Variants in ACTR3C observed in about 807,000 individuals in gnomAD.
ACTR3C encodes the protein actin-related protein 3C.
ACTR3C carries 18 observed loss-of-function variants against 26.3 expected under a neutral mutation model. The ratio of observed to expected loss-of-function variants is 0.68; its 90% confidence interval spans 0.47 to 1.01. ACTR3C has a LOEUF of 1.01. Among genes scored for constraint, ACTR3C ranks in the 50% least tolerant of loss-of-function variants. The pLI is 0.00. For missense variants in ACTR3C, 184 were observed against 250.7 expected, an observed-to-expected ratio of 0.73 and a Z score of 1.80; for synonymous variants, 55 against 94.5, an observed-to-expected ratio of 0.58 and a Z score of 2.42.
the ACTR3C span, among the ~76,000 whole-genome samples, chr7:150,046,732 T>A: frequency 2.1e-5 from 3 of 144,934 alleles, no homozygotes; most frequent in South Asian, 7.1e-4. Flanking sequence ...GCCCTCTGCA[T>A]CCTTGAAAGG....
the ACTR3C span, among the ~76,000 whole-genome samples, chr7:150,196,002 C>A: frequency 1.6e-3 from 251 of 152,302 alleles, 2 homozygotes; most frequent in African/African-American, 5.7e-3. Flanking sequence ...CCTGTGGGTG[C>A]CTTTGGGACC....
chr7:150,143,323 T>C, the ACTR3C span, among the ~76,000 whole-genome samples: 1 of 152,036 alleles, frequency 6.6e-6, no homozygotes, highest in Non-Finnish European at 1.5e-5. Flanking sequence ...CTTATGAAAA[T>C]GCACAATGCA....
chr7:150,322,441 C>T lies in ACTR3C; in HGVS notation c.-52+1028G>A, dbSNP rs141548514. On this transcript the variant is annotated intron_variant, in intron 1 of 7. Coordinates refer to ENST00000683684, the MANE Select transcript of ACTR3C (RefSeq NM_001164458.2). ...GGGACCTCTGGTGGTCCTCACTGCT[C>T]ATTATGCACTAATTATAATGCATTA... Among the ~76,000 whole-genome samples, 759 of 152,334 alleles carry T rather than the reference C, an allele frequency of 5.0e-3. 8 individuals carry two copies. Among genetic ancestry groups the T allele is most frequent in the African/African-American group, 0.017 (719 of 41,576 alleles).
At chr7:150,234,557 GCAACTCCA>G in the ACTR3C span, among the ~76,000 whole-genome samples, 1 of 152,082 alleles carries the variant, frequency 6.6e-6, no homozygotes, top group Non-Finnish European at 1.5e-5. Context: ...TCACTCTCAC[GCAACTCCA>G]CACTAGCGCT....
chr7:150,041,075 C>T, the ACTR3C span, among the ~76,000 whole-genome samples: 15 of 150,810 alleles, frequency 9.9e-5, 2 homozygotes, highest in Admixed American at 3.3e-4. Flanking sequence ...TCTTTTCTCT[C>T]TCTGACGCAT....
the ACTR3C span, among the ~76,000 whole-genome samples, chr7:150,032,367 G>A: frequency 6.6e-6 from 1 of 152,174 alleles, no homozygotes; most frequent in African/African-American, 2.4e-5. Context: ...GAACCACTTT[G>A]TCCTAATGGA....
the ACTR3C span, among the ~76,000 whole-genome samples, chr7:149,947,560 G>C: frequency 3.1e-5 from 3 of 98,188 alleles, no homozygotes; most frequent in Admixed American, 3.1e-4. Context: ...AGAAGGCAGG[G>C]CAGGGCTTGA....
the ACTR3C span, among the ~76,000 whole-genome samples, chr7:150,046,349 C>CCCG: frequency 2.8e-5 from 1 of 36,170 alleles, no homozygotes; most frequent in Non-Finnish European, 9.3e-5. Context: ...GTCTCACCGC[C>CCCG]CCCCCCCCCC....
the ACTR3C span, among the ~76,000 whole-genome samples, chr7:150,149,947 T>C: frequency 6.6e-6 from 1 of 152,214 alleles, no homozygotes; most frequent in East Asian, 1.9e-4. Flanking sequence ...AGCCCGATTT[T>C]CTAACAAGCC....
At chr7:150,191,916 T>G in the ACTR3C span, among the ~76,000 whole-genome samples, 1 of 152,242 alleles carries the variant, frequency 6.6e-6, no homozygotes, top group African/African-American at 2.4e-5. Context: ...CCTACCATAC[T>G]GAGAATTGTC....
At chr7:150,256,432 C>G (rs1285327031) in intron 6 of ACTR3C, among the ~76,000 whole-genome samples, 1 of 152,228 alleles carries the variant, frequency 6.6e-6, no homozygotes, top group Non-Finnish European at 1.5e-5. Flanking sequence ...TCGCCAATAT[C>G]TGTTGTTTTT....
chr7:150,144,511 T>TAATATTATTTTTTGTCC, the ACTR3C span, among the ~76,000 whole-genome samples: 1 of 151,860 alleles, frequency 6.6e-6, no homozygotes, highest in Non-Finnish European at 1.5e-5. The surrounding 1 kb of genome is among the most constrained non-coding windows in gnomAD (Gnocchi z 4.6). Context: ...AACAATTGAA[T>TAATATTATTTTTTGTCC]AATATTATTT....
chr7:149,974,795 A>ATGG, the ACTR3C span, among the ~76,000 whole-genome samples: 1 of 150,456 alleles, frequency 6.6e-6, no homozygotes, highest in African/African-American at 2.5e-5. Flanking sequence ...GTAAAATAAG[A>ATGG]TATTTTAGTT....
the ACTR3C span, among the ~76,000 whole-genome samples, chr7:150,152,304 G>A: frequency 1.3e-5 from 2 of 151,930 alleles, no homozygotes; most frequent in South Asian, 2.1e-4. Context: ...ATTATTTTGA[G>A]ATACGTCCCA....
At chr7:150,066,605 A>C in the ACTR3C span, among the ~76,000 whole-genome samples, 1 of 152,232 alleles carries the variant, frequency 6.6e-6, no homozygotes, top group African/African-American at 2.4e-5. Context: ...TTAATAAGCC[A>C]TAAACTGATA....
chr7:150,108,487 T>C, the ACTR3C span, among the ~76,000 whole-genome samples: 3 of 151,408 alleles, frequency 2.0e-5, no homozygotes, highest in Non-Finnish European at 4.4e-5. Flanking sequence ...GCCTTATAGA[T>C]TTGGGAGGTA....
At chr7:150,199,543 A>G in the ACTR3C span, among the ~76,000 whole-genome samples, 5 of 120,780 alleles carry the variant, frequency 4.1e-5, no homozygotes, top group Non-Finnish European at 6.8e-5. Flanking sequence ...CCTTCCCTCC[A>G]CTATTGTCCC....
the ACTR3C span, among the ~76,000 whole-genome samples, chr7:150,142,813 G>A: frequency 6.7e-6 from 1 of 150,228 alleles, no homozygotes; most frequent in Non-Finnish European, 1.5e-5. Flanking sequence ...ACAGGTGTGA[G>A]CCACTACGCC....
Position 150,323,499 on chromosome 7 carries a change from G to A in ACTR3C, c.-82C>T, listed in dbSNP as rs1351542768. 1 of 431,936 alleles carries A rather than the reference G, an allele frequency of 2.3e-6. No homozygotes were observed. Among genetic ancestry groups the A allele is most frequent in the Admixed American group, 2.5e-5 (1 of 39,394 alleles). 26.8% of individuals were successfully genotyped at this position (431,936 alleles called of 1,614,324 possible). Reference sequence around the variant, plus strand: ...GAGGAGGCGCCGGCTCTGCGGTGCGGAGTTGCGCCGGACTTCCCAGCTTGG... The same window carrying A: ...GAGGAGGCGCCGGCTCTGCGGTGCGAAGTTGCGCCGGACTTCCCAGCTTGG... On this transcript the variant is annotated 5_prime_UTR_variant, in exon 1 of 8. Coordinates refer to ENST00000683684, the MANE Select transcript of ACTR3C (RefSeq NM_001164458.2).
Sources: gnomAD v4.1 joint callset for allele counts (sites outside exome capture counted in the v4.1 genomes callset) on GRCh38, gnomAD v4.1.1 for gene constraint, Gnocchi (gnomAD v3.1) non-coding constraint, MANE v1.5 for transcripts, NCBI Gene and HGNC (gene_info 2026-07-23, HGNC 2026-07-21) for gene names.